The following SYNPO variants were observed in gnomAD, a reference collection of about 807,000 sequenced individuals.
SYNPO encodes synaptopodin.
SYNPO carries 19 observed loss-of-function variants against 49.5 expected under a neutral mutation model. The ratio of observed to expected loss-of-function variants is 0.38; its 90% CI spans 0.27 to 0.56. The LOEUF is 0.56. Ranked by LOEUF, SYNPO falls within the 20% of genes least tolerant of loss-of-function variation. SYNPO has a pLI of 0.68. For synonymous variants in SYNPO, 536 were observed against 548.0 expected, an observed-to-expected ratio of 0.98 and a Z score of 0.31; for missense variants, 1,131 against 1,248.3, an observed-to-expected ratio of 0.91 and a Z score of 1.42.
intron 2 of SYNPO, chr5:150,650,987 C>A: frequency 8.0e-7 from 1 of 1,245,798 alleles, no homozygotes; most frequent in Non-Finnish European, 1.0e-6. Flanking sequence ...TGCTGTCTGA[C>A]GCTTTTCTTC....
chr5:150,599,842 T>G (rs1246446528), upstream of SYNPO, among the ~76,000 whole-genome samples: 1 of 152,164 alleles, frequency 6.6e-6, no homozygotes, highest in Non-Finnish European at 1.5e-5. Flanking sequence ...TCAAGCACTG[T>G]GTTAACTGCT....
intron 2 of SYNPO, among the ~76,000 whole-genome samples, chr5:150,620,524 T>A (rs1458215712): frequency 6.6e-6 from 1 of 152,230 alleles, no homozygotes; most frequent in East Asian, 1.9e-4. Context: ...CATGATCCAG[T>A]CATGGTTTTT....
Position 150,648,512 on chromosome 5 carries a change from G to T in SYNPO, c.237G>T (p.Thr79=). 6.2e-7 allele frequency: 1 copy of T among 1,614,096 alleles called. No homozygotes were observed. Among genetic ancestry groups the T allele is most frequent in the Non-Finnish European group, 8.5e-7 (1 of 1,180,016 alleles). Reference sequence around the variant, plus strand: ...AAAACCTTGCCTCGCCCAGTGCCACGCTCACCACACCAACTTCTAACAGCA... The same window carrying T: ...AAAACCTTGCCTCGCCCAGTGCCACTCTCACCACACCAACTTCTAACAGCA... ...VNQNLASPSA[T]LTTPTSNSSH... Residue 79 remains threonine (T), a synonymous_variant, in exon 2 of 3, where the codon ACG becomes ACT. Coordinates refer to ENST00000307662, the MANE Select transcript of SYNPO (RefSeq NM_007286.6). This position sits in a 1 kb window ranked among gnomAD's most constrained non-coding sequence, Gnocchi z 5.0.
At position 150,650,048 on chromosome 5, in the gene SYNPO, C is replaced by T. The variant is rs911966995; in HGVS notation, c.1773C>T (p.Ala591=). Reference sequence around the variant, plus strand: ...TCTCACCAAGAGCTGCCTCGCCCGCCAAGCCCAGCTCCTTGGACCTGGTGC... The same window carrying T: ...TCTCACCAAGAGCTGCCTCGCCCGCTAAGCCCAGCTCCTTGGACCTGGTGC... ...AKVSPRAASP[A]KPSSLDLVPN... Residue 591 remains alanine, a synonymous_variant, in exon 2 of 3, where the codon GCC becomes GCT. Coordinates refer to ENST00000307662, the MANE Select transcript of SYNPO (RefSeq NM_007286.6). 1.2e-6 allele frequency: 2 copies of T among 1,613,096 alleles called. No individual in the cohort carries two copies. Among genetic ancestry groups the T allele is most frequent in the African/African-American group, 2.7e-5 (2 of 75,064 alleles).
At chr5:150,650,344 G>A (rs757111464) in intron 2 of SYNPO, 41 bp downstream of exon 2, 41 of 1,612,920 alleles carry the variant, frequency 2.5e-5, no homozygotes, top group Middle Eastern at 1.6e-4. Context: ...CGAACCCCAC[G>A]GGGGTCCCAC....
chr5:150,586,436 A>G, the SYNPO span, among the ~76,000 whole-genome samples: 1 of 152,168 alleles, frequency 6.6e-6, no homozygotes, highest in Non-Finnish European at 1.5e-5. Flanking sequence ...CCGCCCTGAT[A>G]CCTAACCCCC....
chr5:150,620,893 TTTTTTCTCTTTCTTTC>T (rs1187716262), intron 2 of SYNPO, among the ~76,000 whole-genome samples: 5 of 138,268 alleles, frequency 3.6e-5, no homozygotes, highest in Admixed American at 1.5e-4. Context: ...CTTTTTTTCT[TTTTTTCTCTTTCTTTC>T]TTTCTTTCTT....
upstream of SYNPO, among the ~76,000 whole-genome samples, chr5:150,598,988 C>A (rs1001914264): frequency 1.3e-5 from 2 of 152,194 alleles, no homozygotes; most frequent in African/African-American, 4.8e-5. Context: ...CGGTTTATTG[C>A]AAGGGTGACG....
In SYNPO at chr5:150,606,125, A is replaced by G. The variant is rs1450280561; in HGVS notation, c.-266+4937A>G. On this transcript the variant is annotated intron_variant, in intron 1 of 2. Transcript: ENST00000394243. The stretch of plus-strand genomic sequence containing the variant: ...AGATATCATGCAGATATCCACATAA[A>G]CACAAGATTCACATACAAACATACA... 2.6e-5 allele frequency among the ~76,000 whole-genome samples: 4 copies of G among 152,230 alleles called. No homozygotes were observed. The East Asian group carries it at 7.7e-4, about 29-fold the overall frequency.
intron 2 of SYNPO, among the ~76,000 whole-genome samples, chr5:150,620,929 C>T (rs1344688274): frequency 4.0e-5 from 5 of 125,618 alleles, no homozygotes; most frequent in East Asian, 2.2e-4. Flanking sequence ...TTCTTTCTTT[C>T]TTTCTTTCTT....
upstream of SYNPO, among the ~76,000 whole-genome samples, chr5:150,600,331 G>C (rs1251510315): frequency 6.6e-6 from 1 of 152,386 alleles, no homozygotes; most frequent in South Asian, 2.1e-4. Context: ...CAGCACTCCA[G>C]TGGGAAAGGC....
the SYNPO span, among the ~76,000 whole-genome samples, chr5:150,586,158 A>G: frequency 6.6e-6 from 1 of 152,254 alleles, no homozygotes; most frequent in South Asian, 2.1e-4. Context: ...CGGCCTTGGC[A>G]GACCTGGTGG....
chr5:150,654,156 G>C (rs1758483001), intron 2 of SYNPO: 1 of 152,152 alleles, frequency 6.6e-6, no homozygotes, highest in South Asian at 2.1e-4. Flanking sequence ...AGCATGGAAT[G>C]GACTGGCTAG....
In SYNPO at chr5:150,658,254, T is replaced by C. The variant is rs976011806; in HGVS notation, c.*1167T>C. The C allele has an allele frequency of 2.0e-5, 3 of 152,242 alleles. No individual in the cohort carries two copies. The highest frequency in any genetic ancestry group is 2.9e-5 in the Non-Finnish European group (2 of 68,026). The allele number at this position is 152,242 out of a possible 1,614,324, so 9.4% of individuals were successfully genotyped here. On this transcript the variant is annotated 3_prime_UTR_variant, in exon 3 of 3. Transcript: ENST00000307662. ...AGTTGGGCTTGAATTTAGGGGCCGATGAGCTTGGGTACGTGAGCAGGGTGT... is the reference window on the plus strand; with the variant it reads ...AGTTGGGCTTGAATTTAGGGGCCGACGAGCTTGGGTACGTGAGCAGGGTGT...
intron 1 of SYNPO, among the ~76,000 whole-genome samples, chr5:150,647,736 G>A (rs1393111257): frequency 1.3e-5 from 2 of 152,224 alleles, no homozygotes; most frequent in Non-Finnish European, 2.9e-5. Flanking sequence ...TGGCGTAGAC[G>A]TGGTGGCATT....
chr5:150,599,915 T>A (rs1036155719), upstream of SYNPO, among the ~76,000 whole-genome samples: 1 of 152,162 alleles, frequency 6.6e-6, no homozygotes, highest in Non-Finnish European at 1.5e-5. Flanking sequence ...AGAGGGGAAC[T>A]GAGGCCACCT....
intron 1 of SYNPO, 96 bp downstream of exon 1, chr5:150,640,950 GC>G (rs1343253899): frequency 3.0e-6 from 2 of 660,040 alleles, no homozygotes; most frequent in Admixed American, 6.3e-5. Flanking sequence ...TGTCCTCTGG[GC>G]ATCAAGGGAG....
At chr5:150,639,648 A>G (rs1161000839), upstream of SYNPO, among the ~76,000 whole-genome samples, 1 of 152,246 alleles carries the variant, frequency 6.6e-6, no homozygotes, top group Non-Finnish European at 1.5e-5. Context: ...AATGGGGATA[A>G]GGGAACCTCC....
intron 2 of SYNPO, among the ~76,000 whole-genome samples, chr5:150,656,058 C>T (rs148978493): frequency 2.0e-5 from 3 of 152,254 alleles, no homozygotes; most frequent in Non-Finnish European, 4.4e-5. Context: ...TTAACCCTCA[C>T]AACAACCCTA....
Sources: gnomAD v4.1 joint callset for allele counts (sites outside exome capture counted in the v4.1 genomes callset) on GRCh38, gnomAD v4.1.1 for gene constraint, Gnocchi (gnomAD v3.1) non-coding constraint, MANE v1.5 for transcripts, NCBI Gene and HGNC (gene_info 2026-07-23, HGNC 2026-07-21) for gene names.